The following SLCO1B3 variants were observed in gnomAD, a reference collection of about 807,000 sequenced individuals.
The protein encoded by SLCO1B3 is solute carrier organic anion transporter family member 1B3, also known as liver-specific organic anion transporter 2.
A neutral mutation model predicts 71.8 loss-of-function variants in SLCO1B3; 72 were observed. The ratio of observed to expected loss-of-function variants is 1.00; its 90% CI spans 0.83 to 1.22. The LOEUF is 1.22. Among genes scored for constraint, SLCO1B3 ranks in the 50% most tolerant of loss-of-function variants. SLCO1B3 has a pLI of 0.00. For synonymous variants in SLCO1B3, 298 were observed against 278.4 expected, an observed-to-expected ratio of 1.07 and a Z score of -0.70; for missense variants, 911 against 819.7, an observed-to-expected ratio of 1.11 and a Z score of -1.36.
intron 8 of SLCO1B3, among the ~76,000 whole-genome samples, chr12:20,872,304 G>T (rs1009371115): frequency 2.0e-5 from 3 of 151,506 alleles, no homozygotes; most frequent in Admixed American, 6.6e-5. Flanking sequence ...CTTAGTCCAG[G>T]ACTAGGCTAT....
At chr12:20,867,349 G>A (rs1042222955) in intron 8 of SLCO1B3, among the ~76,000 whole-genome samples, 10 of 151,990 alleles carry the variant, frequency 6.6e-5, no homozygotes, top group Non-Finnish European at 1.3e-4. Flanking sequence ...AATTTCTACT[G>A]GAGAAAACTG....
intron 3 of SLCO1B3, among the ~76,000 whole-genome samples, chr12:20,827,763 G>T (rs1046414843): frequency 6.6e-6 from 1 of 151,996 alleles, no homozygotes; most frequent in African/African-American, 2.4e-5. Flanking sequence ...TAGAGACAGG[G>T]TTTACCATAT....
chr12:20,874,265 G>T (rs933554544), intron 8 of SLCO1B3, among the ~76,000 whole-genome samples: 17 of 152,154 alleles, frequency 1.1e-4, no homozygotes, highest in African/African-American at 3.6e-4. Flanking sequence ...TCACATGCCA[G>T]TTTAAACTGC....
chr12:20,913,339 C>T (rs1026803897), intron 15 of SLCO1B3, among the ~76,000 whole-genome samples: 8 of 152,120 alleles, frequency 5.3e-5, no homozygotes, highest in Non-Finnish European at 8.8e-5. Context: ...TTTCATTATA[C>T]AATACATAAA....
chr12:20,855,689 C>T (rs1182674293), intron 4 of SLCO1B3, among the ~76,000 whole-genome samples: 2 of 149,336 alleles, frequency 1.3e-5, no homozygotes, highest in African/African-American at 4.9e-5. Flanking sequence ...GAAGATACTG[C>T]TTTGATGTAA....
chr12:20,880,203 TTTATAA>T (rs1379780530), intron 11 of SLCO1B3, among the ~76,000 whole-genome samples: 1 of 151,346 alleles, frequency 6.6e-6, no homozygotes, highest in Non-Finnish European at 1.5e-5. Flanking sequence ...TATCTTATGA[TTTATAA>T]TTATATTATA....
chr12:20,836,393 TTTTTTACTAATATTTGTTGAGGA>T (rs1351650261), intron 3 of SLCO1B3, among the ~76,000 whole-genome samples: 2 of 152,326 alleles, frequency 1.3e-5, no homozygotes, highest in Middle Eastern at 6.8e-3. Flanking sequence ...ATTATTGAAT[TTTTTTACTAATATTTGTTGAGGA>T]TTTTTACATC....
At chr12:20,875,996 A>G (rs1035235745) in intron 9 of SLCO1B3, among the ~76,000 whole-genome samples, 2 of 151,810 alleles carry the variant, frequency 1.3e-5, no homozygotes, top group African/African-American at 2.4e-5. Flanking sequence ...AGGAGAAGGA[A>G]TTCAGGAGAG....
rs1362568201 is a variant in SLCO1B3 at position 20,844,090 on chromosome 12, A to G, written c.85-10938A>G. ...ATTAAGTTATTGTTAATTTTAATTA[A>G]AATCTTTGTACACTTTAAACATATA... On this transcript the variant is annotated intron_variant, in intron 3 of 15. Coordinates refer to ENST00000381545, the MANE Select transcript of SLCO1B3 (RefSeq NM_019844.4). 1.3e-5 allele frequency among the ~76,000 whole-genome samples: 2 copies of G among 151,880 alleles called. 1 individual carries two copies. The highest frequency in any genetic ancestry group is 3.9e-4 in the East Asian group (2 of 5,186).
At chr12:20,851,923 C>T (rs575592139) in intron 3 of SLCO1B3, among the ~76,000 whole-genome samples, 2 of 152,072 alleles carry the variant, frequency 1.3e-5, no homozygotes, top group African/African-American at 2.4e-5. Context: ...GGTTCTCTCC[C>T]TGTCATGCAG....
intron 8 of SLCO1B3, among the ~76,000 whole-genome samples, chr12:20,864,455 A>G (rs1865333160): frequency 6.6e-6 from 1 of 152,214 alleles, no homozygotes; most frequent in Non-Finnish European, 1.5e-5. Flanking sequence ...TCCAAGATGG[A>G]ATAGCCATTA....
intron 3 of SLCO1B3, among the ~76,000 whole-genome samples, chr12:20,850,174 C>T (rs115516782): frequency 0.057 from 8,627 of 150,600 alleles, 314 homozygotes; most frequent in East Asian, 0.18. Context: ...ATTTTAACTT[C>T]AGGGGTACAT....
intron 8 of SLCO1B3, among the ~76,000 whole-genome samples, chr12:20,868,894 CAA>C (rs1262341362): frequency 6.6e-6 from 1 of 152,114 alleles, no homozygotes; most frequent in Non-Finnish European, 1.5e-5. Flanking sequence ...AGAGAGGAGA[CAA>C]AGAGAAAGAC....
intron 13 of SLCO1B3, among the ~76,000 whole-genome samples, chr12:20,885,083 A>G (rs1393825872): frequency 6.6e-6 from 1 of 152,168 alleles, no homozygotes; most frequent in Non-Finnish European, 1.5e-5. Context: ...GAGAGTTTTA[A>G]AAACATTGTT....
chr12:20,901,749 G>T (rs889706783), intron 15 of SLCO1B3, among the ~76,000 whole-genome samples: 1 of 152,106 alleles, frequency 6.6e-6, no homozygotes, highest in Non-Finnish European at 1.5e-5. Flanking sequence ...AAGAAATACA[G>T]CTAGGATTTG....
At chr12:20,838,078 C>T (rs1864720267) in intron 3 of SLCO1B3, among the ~76,000 whole-genome samples, 1 of 150,498 alleles carries the variant, frequency 6.6e-6, no homozygotes, top group Non-Finnish European at 1.5e-5. Flanking sequence ...TTCTGTAATG[C>T]CCCCTCCCAC....
intron 3 of SLCO1B3, among the ~76,000 whole-genome samples, chr12:20,846,618 G>C (rs1428162267): frequency 6.6e-6 from 1 of 152,088 alleles, no homozygotes; most frequent in African/African-American, 2.4e-5. Flanking sequence ...GGAAGAACAG[G>C]GGATAACCAG....
In SLCO1B3 at chr12:20,914,469, A is replaced by G. The variant is rs1435134996; in HGVS notation, c.1866-1535A>G. On this transcript the variant is annotated intron_variant, in intron 15 of 15. Transcript: ENST00000381545. ...GTCATTTACTCCACTTACTGTAAGC[A>G]TACATACACATATGAATAAGCATGT... Among the ~76,000 whole-genome samples, 6 of 152,102 alleles carry G rather than the reference A, an allele frequency of 3.9e-5. No homozygotes were observed. The East Asian group carries it at 9.6e-4, about 24-fold the overall frequency.
At chr12:20,858,691 A>C in intron 5 of SLCO1B3, 120 bp downstream of exon 5, 1 of 856,936 alleles carries the variant, frequency 1.2e-6, no homozygotes, top group East Asian at 2.5e-5. Flanking sequence ...ATAGGTATGC[A>C]TAGAGAAATG....
Sources: allele counts gnomAD v4.1 joint callset (sites outside exome capture counted in the v4.1 genomes callset), GRCh38; gene constraint gnomAD v4.1.1; transcripts MANE v1.5; gene names NCBI Gene and HGNC (gene_info 2026-07-23, HGNC 2026-07-21).